The following CD200R1L variants were observed in gnomAD, a reference collection of about 807,000 sequenced individuals.
CD200R1L encodes the protein CD200 receptor 1 like, also known as cell surface glycoprotein CD200 receptor 2.
A neutral mutation model predicts 24.8 loss-of-function variants in CD200R1L; 14 were observed. The observed-to-expected ratio is 0.56, with a 90% CI of 0.37 to 0.88. The LOEUF is 0.88. CD200R1L is among the 40% of genes least tolerant of loss of function. The pLI, the probability that CD200R1L is intolerant of heterozygous loss-of-function variation, is 0.00. For synonymous variants in CD200R1L, 111 were observed against 109.2 expected, an observed-to-expected ratio of 1.02 and a Z score of -0.11; for missense variants, 299 against 297.8, an observed-to-expected ratio of 1.00 and a Z score of -0.03.
At chr3:112,845,183 A>G (rs532926660) in intron 2 of CD200R1L, among the ~76,000 whole-genome samples, 1 of 152,302 alleles carries the variant, frequency 6.6e-6, no homozygotes, top group East Asian at 1.9e-4. Context: ...AAATAACTAC[A>G]ATCAGATATT....
At chr3:112,833,916 T>A (rs553128666) in intron 3 of CD200R1L, among the ~76,000 whole-genome samples, 183 of 152,144 alleles carry the variant, frequency 1.2e-3, no homozygotes, top group Non-Finnish European at 2.3e-3. Flanking sequence ...AATGTAATAC[T>A]CAGTAATAAA....
At position 112,831,120 on chromosome 3, in the gene CD200R1L, G is replaced by GT. The variant is rs531068620; in HGVS notation, c.-17-1737dup. Among the ~76,000 whole-genome samples, 25 of 152,230 alleles carry GT rather than the reference G, an allele frequency of 1.6e-4. No homozygotes were observed. In the East Asian group the frequency reaches 4.6e-3, roughly 28 times the overall value. On this transcript the variant is annotated intron_variant, in intron 3 of 7. Transcript: ENST00000488794. ...AGTATAATTTTTAAGATGTTAACATGTTTTTTCCTCTAATGATGGCATAAC... is the reference window on the plus strand; with the variant it reads ...AGTATAATTTTTAAGATGTTAACATGTTTTTTTCCTCTAATGATGGCATAAC...
chr3:112,839,870 A>G (rs1032383674), intron 2 of CD200R1L, among the ~76,000 whole-genome samples: 4 of 152,156 alleles, frequency 2.6e-5, no homozygotes. Flanking sequence ...AGTTGCCTTA[A>G]AAGACACTTT....
At chr3:112,843,444 G>C (rs1031022031) in intron 2 of CD200R1L, among the ~76,000 whole-genome samples, 1 of 152,140 alleles carries the variant, frequency 6.6e-6, no homozygotes, top group South Asian at 2.1e-4. Context: ...TCCAACCAAG[G>C]ATTTCATACT....
chr3:112,841,684 G>T (rs1939084098), intron 2 of CD200R1L, among the ~76,000 whole-genome samples: 1 of 152,196 alleles, frequency 6.6e-6, no homozygotes, highest in Non-Finnish European at 1.5e-5. Flanking sequence ...CAAGGCCCAT[G>T]CCTTGCCACT....
chr3:112,840,461 A>G (rs1301967522), intron 2 of CD200R1L, among the ~76,000 whole-genome samples: 2 of 152,228 alleles, frequency 1.3e-5, no homozygotes, highest in Non-Finnish European at 2.9e-5. Flanking sequence ...CTCACTCACT[A>G]TCATGCAAAC....
chr3:112,840,015 A>G (rs1939043209), intron 2 of CD200R1L, among the ~76,000 whole-genome samples: 1 of 152,220 alleles, frequency 6.6e-6, no homozygotes, highest in Non-Finnish European at 1.5e-5. Context: ...AAATATCTAT[A>G]TGATTTTTCC....
intron 6 of CD200R1L, 112 bp downstream of exon 6, chr3:112,826,881 T>G: frequency 8.0e-7 from 1 of 1,246,666 alleles, no homozygotes; most frequent in Non-Finnish European, 1.1e-6. Flanking sequence ...TGAGAGAATA[T>G]TTTCAAGCTA....
chr3:112,819,033 G>A lies in CD200R1L; in HGVS notation c.740+739C>T, dbSNP rs193155176. Among the ~76,000 whole-genome samples, 30 of 152,334 alleles carry A rather than the reference G, an allele frequency of 2.0e-4. 1 individual carries two copies. The East Asian group carries it at 2.5e-3, about 13-fold the overall frequency. ...GAAACTTACAATCATGGCAGAAGGC[G>A]AAGGGGAAGCAAGGCATGTCTTACA... is the stretch of plus-strand genomic sequence containing the variant. On this transcript the variant is annotated intron_variant, in intron 7 of 7. Coordinates refer to ENST00000488794, the MANE Select transcript of CD200R1L (RefSeq NM_001199215.3).
rs780114669 is a variant in CD200R1L at position 112,845,665 on chromosome 3, A to G, written c.-87+14T>C. 6 of 1,602,300 alleles carry G rather than the reference A, an allele frequency of 3.7e-6. No individual in the cohort carries two copies. The highest frequency in any genetic ancestry group is 2.7e-5 in the African/African-American group (2 of 74,614). On this transcript the variant is annotated intron_variant, in intron 2 of 7. Coordinates refer to ENST00000488794, the MANE Select transcript of CD200R1L (RefSeq NM_001199215.3). Reference sequence around the variant, plus strand: ...CTTTATTTTCAGCTGAAAATGTCACAGTATCAGACTTACCAGACACCATGA... The same window carrying G: ...CTTTATTTTCAGCTGAAAATGTCACGGTATCAGACTTACCAGACACCATGA...
intron 6 of CD200R1L, among the ~76,000 whole-genome samples, chr3:112,820,111 C>A (rs982604356): frequency 1.3e-5 from 2 of 152,182 alleles, no homozygotes; most frequent in Admixed American, 6.5e-5. Flanking sequence ...TCGTAGGTTT[C>A]TGACAAATTT....
At chr3:112,825,008 C>T (rs748006231) in intron 6 of CD200R1L, among the ~76,000 whole-genome samples, 6 of 152,186 alleles carry the variant, frequency 3.9e-5, no homozygotes, top group Middle Eastern at 3.4e-3. Flanking sequence ...GAGGCCCAGG[C>T]GGGCGGATCA....
At chr3:112,838,636 C>T (rs1939015141) in intron 2 of CD200R1L, among the ~76,000 whole-genome samples, 1 of 152,098 alleles carries the variant, frequency 6.6e-6, no homozygotes, top group Non-Finnish European at 1.5e-5. Flanking sequence ...TATTTTACGG[C>T]TCATTTAATG....
intron 2 of CD200R1L, 133 bp from the exon 3 acceptor site, chr3:112,838,143 C>G (rs1939000688): frequency 6.5e-6 from 2 of 308,696 alleles, no homozygotes; most frequent in Non-Finnish European, 5.8e-6. Context: ...AATTAATAAT[C>G]ACACCAAAAA....
intron 6 of CD200R1L, among the ~76,000 whole-genome samples, chr3:112,822,283 T>C (rs943755375): frequency 6.6e-6 from 1 of 152,116 alleles, no homozygotes; most frequent in African/African-American, 2.4e-5. Flanking sequence ...ATGAGATGAG[T>C]GGTGGCTGGG....
At position 112,815,912 on chromosome 3, in the gene CD200R1L, T is replaced by A; in HGVS notation, c.*51A>T. 1 of 779,208 alleles carries A rather than the reference T, an allele frequency of 1.3e-6. No homozygotes were observed. The highest frequency in any genetic ancestry group is 2.4e-6 in the Non-Finnish European group (1 of 417,232). The allele number at this position is 779,208 out of a possible 1,614,324, so 48.3% of individuals were successfully genotyped here. A position where few individuals can be genotyped will look rare whatever the true frequency, so the allele number is the denominator to read the frequency against. ...TGGACCATCACTCATCTCACCAATG[T>A]TGCAGTCCAGAGACAAGGAGGAGAA... is the stretch of plus-strand genomic sequence containing the variant. On this transcript the variant is annotated 3_prime_UTR_variant, in exon 8 of 8. Transcript: ENST00000488794.
intron 7 of CD200R1L, among the ~76,000 whole-genome samples, chr3:112,817,483 C>G (rs754098722): frequency 6.6e-6 from 1 of 152,108 alleles, no homozygotes; most frequent in African/African-American, 2.4e-5. Context: ...CCCATAAACA[C>G]CTCCCACATA....
At chr3:112,843,516 G>A (rs1039560172) in intron 2 of CD200R1L, among the ~76,000 whole-genome samples, 4 of 152,220 alleles carry the variant, frequency 2.6e-5, no homozygotes, top group African/African-American at 9.6e-5. Flanking sequence ...CAAACACTAA[G>A]AGAATTCATT....
Position 112,827,079 on chromosome 3 carries a change from C to T in CD200R1L, c.530G>A (p.Cys177Tyr). The T allele has an allele frequency of 1.2e-6, 2 of 1,613,308 alleles. No homozygotes were observed. The highest frequency in any genetic ancestry group is 1.7e-6 in the Non-Finnish European group (2 of 1,180,000). Residue 177 changes from cysteine to tyrosine, a missense_variant, in exon 6 of 8, where the codon TGC (cysteine) becomes TAC (tyrosine). By Grantham distance (194) the Cys-to-Tyr change is radical. Coordinates refer to ENST00000488794, the MANE Select transcript of CD200R1L (RefSeq NM_001199215.3). The part of the protein sequence containing the change: ...GNGTVTVKST[C>Y]PWEGHKSTVT... ...AGTAGACTTGTGGCCCTCCCAGGGG[C>T]ATGTACTCTTAACCGTCACTGTGCC...
Sources: allele counts gnomAD v4.1 joint callset (sites outside exome capture counted in the v4.1 genomes callset), GRCh38; gene constraint gnomAD v4.1.1; transcripts MANE v1.5; gene names NCBI Gene and HGNC (gene_info 2026-07-23, HGNC 2026-07-21).